OMA1: variants seen among roughly 807,000 people sequenced by gnomAD.
The protein encoded by OMA1 is OMA1 zinc metallopeptidase.
A neutral mutation model predicts 30.9 loss-of-function variants in OMA1; 38 were observed. The observed-to-expected ratio is 1.23, with a 90% CI of 0.95 to 1.61. The LOEUF is 1.61. Ranked by LOEUF, OMA1 falls within the 40% of genes most tolerant of loss-of-function variation. The probability of loss-of-function intolerance (pLI) is 0.00; values close to 1 mark genes in which losing one functional copy is unlikely to be tolerated. For synonymous variants in OMA1, 173 were observed against 121.9 expected, an observed-to-expected ratio of 1.42 and a Z score of -2.76; for missense variants, 461 against 349.2, an observed-to-expected ratio of 1.32 and a Z score of -2.55.
chr1:58,487,366 A>T lies in OMA1; in HGVS notation c.1366-6192T>A, dbSNP rs182504210. On this transcript the variant is annotated intron_variant, in intron 8 of 8. Transcript: ENST00000371226. ...TGAGGATAATTAACTTGCTCACAGT[A>T]AATAATTACTGTAATATAATATCGT... Among the ~76,000 whole-genome samples the T allele has an allele frequency of 4.2e-3, 634 of 152,382 alleles. 4 individuals carry two copies. The highest frequency in any genetic ancestry group is 6.0e-3 in the Non-Finnish European group (411 of 68,036).
chr1:58,490,223 T>A (rs1451187837), intron 8 of OMA1, among the ~76,000 whole-genome samples: 1 of 152,102 alleles, frequency 6.6e-6, no homozygotes, highest in African/African-American at 2.4e-5. Context: ...CTAACTAGAA[T>A]AACCAATGCA....
In OMA1 at chr1:58,539,189, G is replaced by A. The variant is rs181552885; in HGVS notation, c.106C>T (p.Arg36Trp). ...RKCNTLASTS[R>W]GCHQVQVNHI... ...TTAACTTGTACTTGATGACAGCCCC[G>A]TGAGGTGGATGCTAATGTGTTACAT... is the stretch of plus-strand genomic sequence containing the variant. The change falls in exon 2 of 9, where the codon CGG becomes TGG. Residue 36 changes from arginine (R) to tryptophan (W), a missense_variant. Transcript: ENST00000371226. 3.4e-5 allele frequency: 30 copies of A among 872,888 alleles called. No homozygotes were observed. Among genetic ancestry groups the A allele is most frequent in the Middle Eastern group, 2.2e-4 (1 of 4,612 alleles). 54.1% of individuals were successfully genotyped at this position (872,888 alleles called of 1,614,324 possible).
At chr1:58,499,347 T>C (rs1350785142) in intron 8 of OMA1, among the ~76,000 whole-genome samples, 2 of 146,366 alleles carry the variant, frequency 1.4e-5, no homozygotes, top group Admixed American at 1.4e-4. Context: ...AGGCCAGGCA[T>C]TGTGGTACAT....
chr1:58,531,648 C>T (rs1409662955), intron 5 of OMA1, among the ~76,000 whole-genome samples: 1 of 152,090 alleles, frequency 6.6e-6, no homozygotes, highest in Non-Finnish European at 1.5e-5. Flanking sequence ...ACTTTACCTC[C>T]TTATATTTGC....
chr1:58,529,619 A>G lies in OMA1; in HGVS notation c.1140+982T>C, dbSNP rs533026991. On this transcript the variant is annotated intron_variant, in intron 6 of 8. Coordinates refer to ENST00000371226, the MANE Select transcript of OMA1 (RefSeq NM_145243.5). ...AGCTTTAGCCAATTCTGTGCCCATT[A>G]AAGTTCAGAGGTTTTAACAGTGCCG... is the stretch of plus-strand genomic sequence containing the variant. Among the ~76,000 whole-genome samples, 6 of 152,342 alleles carry G rather than the reference A, an allele frequency of 3.9e-5. No homozygotes were observed. The East Asian group carries it at 1.2e-3, about 29-fold the overall frequency.
At chr1:58,520,212 C>T (rs1213605160) in intron 7 of OMA1, among the ~76,000 whole-genome samples, 1 of 151,876 alleles carries the variant, frequency 6.6e-6, no homozygotes, top group Non-Finnish European at 1.5e-5. Context: ...AATTTACCCA[C>T]GTAACAGACC....
At chr1:58,541,613 T>TAAAAAAA (rs1646616823) in intron 1 of OMA1, 1 of 2,200 alleles carries the variant, frequency 4.5e-4, no homozygotes, top group Non-Finnish European at 9.2e-4. Flanking sequence ...TGAGAACCTG[T>TAAAAAAA]CAAAAAAAAA....
At chr1:58,524,898 C>T (rs578127463) in intron 7 of OMA1, among the ~76,000 whole-genome samples, 1 of 152,268 alleles carries the variant, frequency 6.6e-6, no homozygotes, top group South Asian at 2.1e-4. Flanking sequence ...GAAAGCTGCT[C>T]ACATGGAGAT....
intron 7 of OMA1, among the ~76,000 whole-genome samples, chr1:58,510,458 T>C (rs1215168000): frequency 1.3e-5 from 2 of 151,800 alleles, no homozygotes; most frequent in East Asian, 1.9e-4. Context: ...ACACTAGAAA[T>C]AGAAAAAAAT....
At chr1:58,493,890 C>A (rs1357759189) in intron 8 of OMA1, among the ~76,000 whole-genome samples, 1 of 150,992 alleles carries the variant, frequency 6.6e-6, no homozygotes, top group African/African-American at 2.4e-5. Context: ...CTACCAATGA[C>A]TTTCTTCACA....
intron 8 of OMA1, among the ~76,000 whole-genome samples, chr1:58,490,736 C>T (rs1310303804): frequency 2.0e-5 from 3 of 146,952 alleles, no homozygotes; most frequent in East Asian, 2.0e-4. Context: ...AGACTAACAG[C>T]GGATCTCTCA....
chr1:58,538,695 T>C lies in OMA1; in HGVS notation c.500+100A>G. 7 of 576,214 alleles carry C rather than the reference T, an allele frequency of 1.2e-5. No individual in the cohort carries two copies. In the South Asian group the frequency reaches 2.2e-4, roughly 18 times the overall value. The allele number at this position is 576,214 out of a possible 1,614,324, so 35.7% of individuals were successfully genotyped here. A position where few individuals can be genotyped will look rare whatever the true frequency, so the allele number is the denominator to read the frequency against. On this transcript the variant is annotated intron_variant, in intron 2 of 8. Transcript: ENST00000371226. The stretch of plus-strand genomic sequence containing the variant: ...GCAAGGTTTCTTTAAAAGTACAGTT[T>C]TATAAATAAAAAAATTAATTTCTAA...
intron 8 of OMA1, among the ~76,000 whole-genome samples, chr1:58,497,462 A>G (rs1645822371): frequency 6.6e-6 from 1 of 152,192 alleles, no homozygotes; most frequent in African/African-American, 2.4e-5. Context: ...TCTGAAATGC[A>G]TACTAAAGTT....
rs778242651 is a variant in OMA1, at chr1:58,481,097, C to T, written c.1443G>A (p.Thr481=). The change falls in exon 9 of 9, where the codon ACG becomes ACA. Residue 481 remains threonine (T), a synonymous_variant. Transcript: ENST00000371226. Reference sequence around the variant, plus strand: ...TCTCTGATTCTTCAAGAAAATGCTTCGTGCTGAGTTTGAATAGTAATCGAG... The same window carrying T: ...TCTCTGATTCTTCAAGAAAATGCTTTGTGCTGAGTTTGAATAGTAATCGAG... The part of the protein sequence containing the change: ...PDPRLLFKLS[T]KHFLEESEKE... 18 of 871,664 alleles carry T rather than the reference C, an allele frequency of 2.1e-5. 1 individual carries two copies. In the East Asian group the frequency reaches 2.6e-4, roughly 13 times the overall value. 54.0% of individuals were successfully genotyped at this position (871,664 alleles called of 1,614,324 possible).
chr1:58,494,416 A>C (rs891527947), intron 8 of OMA1, among the ~76,000 whole-genome samples: 55 of 152,294 alleles, frequency 3.6e-4, no homozygotes, highest in Non-Finnish European at 4.7e-4. Context: ...AAATTGATAA[A>C]TGGGATCTAA....
intron 8 of OMA1, among the ~76,000 whole-genome samples, chr1:58,503,020 T>C (rs1645930797): frequency 6.6e-6 from 1 of 152,226 alleles, no homozygotes; most frequent in South Asian, 2.1e-4. Flanking sequence ...AATTCATTAT[T>C]ATTTTAAAGA....
intron 8 of OMA1, among the ~76,000 whole-genome samples, chr1:58,484,292 T>G (rs1296542290): frequency 6.6e-6 from 1 of 152,230 alleles, no homozygotes; most frequent in African/African-American, 2.4e-5. Flanking sequence ...AAAAAAATCT[T>G]TTCTCACCTC....
Position 58,506,084 on chromosome 1 carries a change from C to G in OMA1, c.1341G>C (p.Glu447Asp). 1.1e-6 allele frequency: 1 copy of G among 871,474 alleles called. No homozygotes were observed. Among genetic ancestry groups the G allele is most frequent in the Non-Finnish European group, 2.0e-6 (1 of 500,604 alleles). 54.0% of individuals were successfully genotyped at this position (871,474 alleles called of 1,614,324 possible). The change falls in exon 8 of 9, where the codon GAG (glutamate) becomes GAC (aspartate). Residue 447 changes from glutamate to aspartate, a missense_variant. Coordinates refer to ENST00000371226, the MANE Select transcript of OMA1 (RefSeq NM_145243.5). ...STHPSHGNRVEYLDRLIPQAL... is the reference protein window; with the variant it reads ...STHPSHGNRVDYLDRLIPQAL... ...CCTGAGGTATAAGTCTATCCAAGTA[C>G]TCAACTCGATTGCCATGAGAAGGGT...
At chr1:58,490,207 G>A (rs886965709) in intron 8 of OMA1, among the ~76,000 whole-genome samples, 1 of 152,140 alleles carries the variant, frequency 6.6e-6, no homozygotes, top group South Asian at 2.1e-4. Context: ...AAGATTAGAC[G>A]AATGACTAAC....
Sources: allele counts gnomAD v4.1 joint callset (sites outside exome capture counted in the v4.1 genomes callset), GRCh38; gene constraint gnomAD v4.1.1; transcripts MANE v1.5; gene names NCBI Gene and HGNC (gene_info 2026-07-23, HGNC 2026-07-21).